Variants in ZBTB34 observed in about 807,000 individuals in gnomAD.
The protein encoded by ZBTB34 is zinc finger and BTB domain-containing protein 34.
A neutral mutation model predicts 33.4 loss-of-function variants in ZBTB34; 1 was observed. The observed-to-expected ratio is 0.03, with a 90% CI of 0.01 to 0.14. The LOEUF (loss-of-function observed/expected upper bound fraction) is 0.14. ZBTB34 is among the 10% of genes least tolerant of loss of function. The pLI is 1.00. For synonymous variants in ZBTB34, 283 were observed against 253.5 expected (o/e 1.12, Z -1.11); for missense variants, 406 against 657.2 (o/e 0.62, Z 4.18).
exon 2 of ZBTB34, chr9:126,882,927 A>G (rs1191325349): frequency 1.2e-5 from 2 of 167,030 alleles, no homozygotes; most frequent in East Asian, 1.9e-4. Flanking sequence ...TGCGCTACAC[A>G]TCAGTGTTAA....
At chr9:126,877,210 G>C (rs1218228950) in intron 1 of ZBTB34, among the ~76,000 whole-genome samples, 1 of 151,994 alleles carries the variant, frequency 6.6e-6, no homozygotes, top group Non-Finnish European at 1.5e-5. Context: ...ATTTCATTTT[G>C]AAAAACCTCA....
chr9:126,877,957 T>C (rs1188826859), intron 1 of ZBTB34, among the ~76,000 whole-genome samples: 2 of 152,020 alleles, frequency 1.3e-5, no homozygotes, highest in African/African-American at 2.4e-5. Flanking sequence ...TGAGCCAAGA[T>C]CATGCCATTG....
chr9:126,876,196 TTTCCCCCC>T (rs2033358796), intron 1 of ZBTB34, among the ~76,000 whole-genome samples: 2 of 214 alleles, frequency 9.3e-3, no homozygotes, highest in Non-Finnish European at 7.5e-3. Flanking sequence ...CCTTCCCTCC[TTTCCCCCC>T]CTTTCCCCCT....
At chr9:126,861,946 C>CT (rs2033148438) in intron 1 of ZBTB34, among the ~76,000 whole-genome samples, 1 of 152,152 alleles carries the variant, frequency 6.6e-6, no homozygotes, top group Non-Finnish European at 1.5e-5. Flanking sequence ...TATTAAATGG[C>CT]AAGATGCTGT....
chr9:126,869,515 A>G (rs999330862), intron 1 of ZBTB34, among the ~76,000 whole-genome samples: 10 of 152,244 alleles, frequency 6.6e-5, no homozygotes, highest in Non-Finnish European at 1.3e-4. Context: ...TGACTCTGCC[A>G]AGTAGAGGGG....
rs117538553 is a variant in ZBTB34, at chr9:126,861,289, A to C, written c.-11+550A>C. On this transcript the variant is annotated intron_variant, in intron 1 of 1. Coordinates refer to ENST00000319119, the Ensembl canonical transcript of ZBTB34. ...CTTGGCCCCAGACGTCTCCGTGGCC[A>C]CTCGCGCTCAGTTGGTCCTGCCATT... Among the ~76,000 whole-genome samples, 144 of 152,146 alleles carry C rather than the reference A, an allele frequency of 9.5e-4. No homozygotes were observed. The East Asian group carries it at 0.027, about 29-fold the overall frequency.
At chr9:126,874,082 C>G (rs2119221143) in intron 1 of ZBTB34, among the ~76,000 whole-genome samples, 1 of 117,268 alleles carries the variant, frequency 8.5e-6, no homozygotes, top group South Asian at 2.9e-4. Context: ...CTTGCTGTCT[C>G]CTAGGCTGGA....
intron 1 of ZBTB34, among the ~76,000 whole-genome samples, chr9:126,869,534 G>T: frequency 6.6e-6 from 1 of 152,264 alleles, no homozygotes; most frequent in African/African-American, 2.4e-5. Context: ...GGGAGGCTGA[G>T]GGGTGTGGCA....
At chr9:126,883,086 C>G (rs531937759) in exon 2 of ZBTB34, 3 of 166,788 alleles carry the variant, frequency 1.8e-5, no homozygotes, top group Non-Finnish European at 4.4e-5. Flanking sequence ...GTTAAAGCCG[C>G]GTGCCTCAAG....
At chr9:126,874,155 C>T (rs1341963597) in intron 1 of ZBTB34, among the ~76,000 whole-genome samples, 6 of 149,066 alleles carry the variant, frequency 4.0e-5, no homozygotes, top group Non-Finnish European at 8.9e-5. Context: ...CAGTCTCCTG[C>T]CTCAGCCTCC....
At chr9:126,877,163 C>G (rs1588390546) in intron 1 of ZBTB34, among the ~76,000 whole-genome samples, 1 of 152,256 alleles carries the variant, frequency 6.6e-6, no homozygotes, top group Middle Eastern at 3.4e-3. Context: ...CCTGTTACAG[C>G]TTTTTGTTGT....
At chr9:126,870,484 G>A (rs2033262821) in intron 1 of ZBTB34, among the ~76,000 whole-genome samples, 1 of 152,182 alleles carries the variant, frequency 6.6e-6, no homozygotes, top group Admixed American at 6.5e-5. Flanking sequence ...TGCAGCGCAT[G>A]ACAAAAGGCT....
chr9:126,866,585 C>T (rs771766089), intron 1 of ZBTB34, among the ~76,000 whole-genome samples: 4 of 151,876 alleles, frequency 2.6e-5, no homozygotes, highest in Non-Finnish European at 5.9e-5. Context: ...TTCTTTTGTT[C>T]TATTTTGATT....
At chr9:126,868,257 C>CTT (rs1484586973) in intron 1 of ZBTB34, among the ~76,000 whole-genome samples, 2 of 152,136 alleles carry the variant, frequency 1.3e-5, no homozygotes, top group African/African-American at 4.8e-5. Context: ...GATTCTGTAG[C>CTT]TTTTTTGAGT....
chr9:126,863,704 C>T (rs1157778965), intron 1 of ZBTB34: 1 of 985,262 alleles, frequency 1.0e-6, no homozygotes, highest in Non-Finnish European at 1.2e-6. Flanking sequence ...TGGAAGAATG[C>T]AAGTCAAGGT....
intron 1 of ZBTB34, among the ~76,000 whole-genome samples, chr9:126,865,665 C>T (rs1033811272): frequency 5.9e-5 from 9 of 152,102 alleles, no homozygotes; most frequent in Admixed American, 5.2e-4. Context: ...TAACAGAATA[C>T]GTGGTGCAGA....
chr9:126,882,070 A>G (rs2033450018), exon 2 of ZBTB34: 1 of 167,020 alleles, frequency 6.0e-6, no homozygotes, highest in African/African-American at 2.4e-5. Flanking sequence ...TACTTTTTGT[A>G]AAGCTATACT....
rs1230064989 is a variant in ZBTB34 at position 126,879,299 on chromosome 9, A to T, written c.-10-91A>T. On this transcript the variant is annotated intron_variant, in intron 1 of 1. Transcript: ENST00000319119. This position sits in a 1 kb window ranked among gnomAD's most constrained non-coding sequence, Gnocchi z 6.4. ...GTAGATTTTAGGAGGTATGATAGCC[A>T]CAATGGTATTGTTGTTGTAAGCTTG... The T allele has an allele frequency of 9.5e-7, 1 of 1,056,140 alleles. No homozygotes were observed. The highest frequency in any genetic ancestry group is 1.4e-6 in the Non-Finnish European group (1 of 725,884). 65.4% of individuals were successfully genotyped at this position (1,056,140 alleles called of 1,614,324 possible). A position where few individuals can be genotyped will look rare whatever the true frequency, so the allele number is the denominator to read the frequency against.
exon 2 of ZBTB34, chr9:126,882,682 C>T (rs188745953): frequency 6.0e-6 from 1 of 167,178 alleles, no homozygotes; most frequent in African/African-American, 2.4e-5. Flanking sequence ...AAAAGAAAAA[C>T]GAACGAAGGA....
Sources: allele counts gnomAD v4.1 joint callset (sites outside exome capture counted in the v4.1 genomes callset), GRCh38; gene constraint gnomAD v4.1.1; non-coding constraint Gnocchi (gnomAD v3.1); transcripts MANE v1.5; gene names NCBI Gene and HGNC (gene_info 2026-07-23, HGNC 2026-07-21).